DPP8: variants seen among roughly 807,000 people sequenced by gnomAD.
DPP8 encodes the protein DPP VIII.
Under a neutral mutation model 107.5 loss-of-function variants are expected in DPP8, and 31 were observed. The ratio of observed to expected loss-of-function variants is 0.29; its 90% CI spans 0.22 to 0.39. The LOEUF (loss-of-function observed/expected upper bound fraction) is 0.39. DPP8 is among the 10% of genes least tolerant of loss of function. The probability of loss-of-function intolerance (pLI) is 1.00; values close to 1 mark genes in which losing one functional copy is unlikely to be tolerated. For synonymous variants in DPP8, 381 were observed against 356.6 expected, an observed-to-expected ratio of 1.07 and a Z score of -0.77; for missense variants, 842 against 1,076.1, an observed-to-expected ratio of 0.78 and a Z score of 3.04.
intron 14 of DPP8, among the ~76,000 whole-genome samples, chr15:65,465,343 T>C (rs1023055763): frequency 2.7e-5 from 4 of 150,778 alleles, no homozygotes; most frequent in Non-Finnish European, 5.9e-5. Context: ...AGTTTTTGTA[T>C]TTTTAGTAGA....
chr15:65,460,014 T>C (rs763366336), intron 15 of DPP8, among the ~76,000 whole-genome samples: 1 of 152,134 alleles, frequency 6.6e-6, no homozygotes, highest in South Asian at 2.1e-4. Context: ...TGGTAAAATA[T>C]ATATAAAATT....
At chr15:65,504,498 T>C (rs1596112133) in intron 3 of DPP8, among the ~76,000 whole-genome samples, 1 of 151,394 alleles carries the variant, frequency 6.6e-6, no homozygotes, top group Non-Finnish European at 1.5e-5. Flanking sequence ...GGTGAAACCC[T>C]GTCTCTACTA....
chr15:65,480,792 C>T (rs2066855067), intron 9 of DPP8, among the ~76,000 whole-genome samples: 1 of 151,902 alleles, frequency 6.6e-6, no homozygotes, highest in Non-Finnish European at 1.5e-5. Flanking sequence ...AGAGAGAGAC[C>T]CTGTCTATAT....
chr15:65,489,169 C>G (rs1169754592), intron 6 of DPP8, among the ~76,000 whole-genome samples: 1 of 151,968 alleles, frequency 6.6e-6, no homozygotes, highest in Non-Finnish European at 1.5e-5. Context: ...CCATGTTGGC[C>G]AGGATAGTCT....
At chr15:65,456,523 C>CT in intron 15 of DPP8, 152 bp from the exon 16 acceptor site, 1 of 831,328 alleles carries the variant, frequency 1.2e-6, no homozygotes, top group Non-Finnish European at 1.8e-6. Context: ...ATTAACAAGT[C>CT]TGTTTATTTG....
At position 65,507,346 on chromosome 15, in the gene DPP8, C is replaced by G. The variant is rs778529633; in HGVS notation, c.269G>C (p.Gly90Ala). ...AAACAGTGTATTTTCTCTGTTCTCA[C>G]CAGACATGGCTATAGGAGAAAGCAA... is the stretch of plus-strand genomic sequence containing the variant. ...SDRIYYLAMS[G>A]ENRENTLFYS... The change falls in exon 3 of 20, where the codon GGT (glycine) becomes GCT (alanine). Residue 90 changes from glycine to alanine, a missense_variant. By Grantham distance (60) the Gly-to-Ala change is moderately conservative (BLOSUM62 0). Transcript: ENST00000300141. The G allele has an allele frequency of 1.1e-5, 17 of 1,586,208 alleles. No homozygotes were observed. Among genetic ancestry groups the G allele is most frequent in the Non-Finnish European group, 1.5e-5 (17 of 1,157,758 alleles).
At position 65,455,956 on chromosome 15, in the gene DPP8, T is replaced by A. The variant is rs115482771; in HGVS notation, c.2118+269A>T. The A allele has an allele frequency of 2.0e-3, 1,843 of 900,962 alleles. 22 individuals carry two copies. The African/African-American group carries it at 0.028, about 14-fold the overall frequency. 55.8% of individuals were successfully genotyped at this position (900,962 alleles called of 1,614,324 possible). A position where few individuals can be genotyped will look rare whatever the true frequency, so the allele number is the denominator to read the frequency against. On this transcript the variant is annotated intron_variant, in intron 16 of 19. Coordinates refer to ENST00000300141, the MANE Select transcript of DPP8 (RefSeq NM_130434.5). The stretch of plus-strand genomic sequence containing the variant: ...CAACTGTGTACAGGATGCTGAAAGC[T>A]AAATGGTGCTAAATTCTACCCAAGT...
Position 65,490,226 on chromosome 15 carries a change from T to G in DPP8, c.789A>C (p.Arg263Ser). The change falls in exon 6 of 20, where the codon AGA becomes AGC. Residue 263 changes from arginine to serine, a missense_variant. By Grantham distance (110) the Arg-to-Ser change is moderately radical (BLOSUM62 -1). Transcript: ENST00000300141. ...ATFVLQEEFD[R>S]YSGYWWCPKA... ...TTGGACACCACCAATAGCCAGAATA[T>G]CTATCAAATTCTTCTTGGAGAACAA... 2 of 1,612,666 alleles carry G rather than the reference T, an allele frequency of 1.2e-6. No homozygotes were observed. The highest frequency in any genetic ancestry group is 1.7e-6 in the Non-Finnish European group (2 of 1,178,630).
rs560502735 is a variant in DPP8, at chr15:65,461,903, G to T, written c.1971+1858C>A. ...CTTGAGCCATCGCGCACAGCCGACC[G>T]TTTTTTTTTTTTTAAAGTTTACAAA... On this transcript the variant is annotated intron_variant, in intron 15 of 19. Transcript: ENST00000300141. 2.8e-3 allele frequency among the ~76,000 whole-genome samples: 386 copies of T among 136,886 alleles called. 1 individual carries two copies. Among genetic ancestry groups the T allele is most frequent in the African/African-American group, 9.9e-3 (372 of 37,408 alleles). 89.8% of individuals were successfully genotyped at this position (136,886 alleles called of 152,430 possible). A position where few individuals can be genotyped will look rare whatever the true frequency, so the allele number is the denominator to read the frequency against.
chr15:65,504,026 T>G (rs1179286880), intron 3 of DPP8, among the ~76,000 whole-genome samples: 1 of 151,690 alleles, frequency 6.6e-6, no homozygotes, highest in Non-Finnish European at 1.5e-5. Context: ...CTTCCCAAAG[T>G]GCTGTGATTA....
At chr15:65,460,870 T>TAA (rs1277114100) in intron 15 of DPP8, among the ~76,000 whole-genome samples, 3 of 152,338 alleles carry the variant, frequency 2.0e-5, no homozygotes, top group Non-Finnish European at 2.9e-5. Context: ...GCTCATATAG[T>TAA]AATTCTATGT....
chr15:65,451,361 C>T (rs1158280730), intron 18 of DPP8, among the ~76,000 whole-genome samples: 5 of 152,026 alleles, frequency 3.3e-5, no homozygotes, highest in Admixed American at 6.6e-5. Flanking sequence ...TATAGCATGT[C>T]CCTAGAAGAA....
At chr15:65,454,230 T>C (rs2064215949) in intron 17 of DPP8, 33 bp downstream of exon 17, 4 of 1,426,360 alleles carry the variant, frequency 2.8e-6, no homozygotes, top group Non-Finnish European at 3.7e-6. Context: ...TCTACCCTTA[T>C]TGCAAAAATG....
chr15:65,486,334 G>A (rs1174531293), intron 7 of DPP8, among the ~76,000 whole-genome samples: 8 of 151,940 alleles, frequency 5.3e-5, no homozygotes, highest in South Asian at 2.1e-4. Flanking sequence ...CCTGGGAGGC[G>A]GAGGTTGTAG....
At chr15:65,480,184 G>A in intron 10 of DPP8, 38 bp downstream of exon 10, 2 of 1,565,368 alleles carry the variant, frequency 1.3e-6, no homozygotes, top group East Asian at 2.3e-5. Flanking sequence ...TTAGCATTCT[G>A]AGAAAATATT....
At chr15:65,502,527 A>C (rs992634188) in intron 3 of DPP8, among the ~76,000 whole-genome samples, 3 of 152,058 alleles carry the variant, frequency 2.0e-5, no homozygotes, top group Non-Finnish European at 4.4e-5. Flanking sequence ...AAAATACAAA[A>C]ATTAGCCGAG....
chr15:65,482,191 G>A (rs1213492131), intron 8 of DPP8, among the ~76,000 whole-genome samples: 2 of 151,458 alleles, frequency 1.3e-5, no homozygotes, highest in African/African-American at 4.9e-5. Flanking sequence ...GTGTGTGCTT[G>A]TAATGAAATT....
chr15:65,482,351 G>A (rs147774646), intron 8 of DPP8, among the ~76,000 whole-genome samples: 1,707 of 151,646 alleles, frequency 0.011, 35 homozygotes, highest in African/African-American at 0.04. Context: ...GCGCCATCTC[G>A]ACTAACTGCA....
chr15:65,472,545 C>T (rs958854908), intron 12 of DPP8, among the ~76,000 whole-genome samples: 4 of 152,094 alleles, frequency 2.6e-5, no homozygotes, highest in African/African-American at 9.7e-5. Context: ...AGCGATTCTC[C>T]AGCCTTCATC....
Sources: allele counts gnomAD v4.1 joint callset (sites outside exome capture counted in the v4.1 genomes callset), GRCh38; gene constraint gnomAD v4.1.1; transcripts MANE v1.5; gene names NCBI Gene and HGNC (gene_info 2026-07-23, HGNC 2026-07-21).